The following GSG1L variants were observed in gnomAD, a reference collection of about 807,000 sequenced individuals.
GSG1L encodes GSG1 like.
Under a neutral mutation model 42.1 loss-of-function variants are expected in GSG1L, and 24 were observed. That is an observed-to-expected ratio of 0.57 (90% CI 0.41 to 0.80). The LOEUF is 0.80. Among genes scored for constraint, GSG1L ranks in the 30% least tolerant of loss-of-function variants. The pLI is 0.00. For missense variants in GSG1L, 445 were observed against 472.2 expected, an observed-to-expected ratio of 0.94 and a Z score of 0.53; for synonymous variants, 215 against 203.5, an observed-to-expected ratio of 1.06 and a Z score of -0.48.
intron 3 of GSG1L, among the ~76,000 whole-genome samples, chr16:27,846,628 A>G (rs1263370481): frequency 6.6e-6 from 1 of 152,124 alleles, no homozygotes; most frequent in Non-Finnish European, 1.5e-5. Flanking sequence ...CCTTGGTGGA[A>G]CTCTCTGATT....
At chr16:27,920,243 A>T (rs35754131) in intron 2 of GSG1L, among the ~76,000 whole-genome samples, 42,111 of 151,996 alleles carry the variant, frequency 0.28, 6,164 homozygotes, top group African/African-American at 0.33. Context: ...GGTGGTGAGG[A>T]ATCATGGTGT....
chr16:27,939,301 T>G (rs2084758868), intron 2 of GSG1L, among the ~76,000 whole-genome samples: 1 of 151,986 alleles, frequency 6.6e-6, no homozygotes, highest in South Asian at 2.1e-4. Context: ...TAAAATACAT[T>G]ATTTTGTGTA....
intron 2 of GSG1L, among the ~76,000 whole-genome samples, chr16:27,891,267 G>A (rs1022514364): frequency 7.9e-5 from 12 of 152,160 alleles, no homozygotes; most frequent in African/African-American, 2.2e-4. Flanking sequence ...GAACCAAAGA[G>A]TGAAAAAGTG....
chr16:28,020,869 G>A (rs1273991849), intron 1 of GSG1L, among the ~76,000 whole-genome samples: 1 of 152,166 alleles, frequency 6.6e-6, no homozygotes, highest in Non-Finnish European at 1.5e-5. Context: ...GGCCCCTTGG[G>A]AGGATTCTCC....
intron 6 of GSG1L, among the ~76,000 whole-genome samples, chr16:27,806,118 TC>T (rs2082959517): frequency 6.6e-6 from 1 of 152,110 alleles, no homozygotes; most frequent in Admixed American, 6.5e-5. Context: ...GGAGGAGTTC[TC>T]CAAACACATC....
At chr16:27,896,574 T>A (rs12448268) in intron 2 of GSG1L, among the ~76,000 whole-genome samples, 8,859 of 152,246 alleles carry the variant, frequency 0.058, 505 homozygotes, top group East Asian at 0.16. Context: ...TTAAATTAAA[T>A]TTTTTAAAAA....
At chr16:27,995,840 AAG>A (rs1252635734) in intron 1 of GSG1L, among the ~76,000 whole-genome samples, 1 of 151,572 alleles carries the variant, frequency 6.6e-6, no homozygotes, top group Admixed American at 6.6e-5. Flanking sequence ...AGGGCCATTG[AAG>A]AAGGACCTCT....
In GSG1L at chr16:28,023,201, T is replaced by C. The variant is rs567132150; in HGVS notation, c.349+39875A>G. On this transcript the variant is annotated intron_variant, in intron 1 of 6. Coordinates refer to ENST00000447459, the MANE Select transcript of GSG1L (RefSeq NM_001109763.2). ...AAAATATTGTTCTGTTTTTGTTTTATACTTATCATTCTATCTTTCTCTCTT... is the reference window on the plus strand; with the variant it reads ...AAAATATTGTTCTGTTTTTGTTTTACACTTATCATTCTATCTTTCTCTCTT... Among the ~76,000 whole-genome samples the C allele has an allele frequency of 3.3e-5, 5 of 152,330 alleles. No individual in the cohort carries two copies. The South Asian group carries it at 8.3e-4, about 25-fold the overall frequency.
At chr16:27,913,718 T>A (rs1448861094) in intron 2 of GSG1L, among the ~76,000 whole-genome samples, 1 of 152,234 alleles carries the variant, frequency 6.6e-6, no homozygotes, top group Admixed American at 6.5e-5. Context: ...CAATAGAGAC[T>A]GTGTGGTTCC....
At chr16:28,054,360 A>G (rs2086256237) in intron 1 of GSG1L, among the ~76,000 whole-genome samples, 1 of 152,164 alleles carries the variant, frequency 6.6e-6, no homozygotes, top group Non-Finnish European at 1.5e-5. Flanking sequence ...GTCCTCTTCC[A>G]TATCTCACCC....
At chr16:28,049,434 AC>A (rs1418794081) in intron 1 of GSG1L, among the ~76,000 whole-genome samples, 1 of 151,910 alleles carries the variant, frequency 6.6e-6, no homozygotes, top group African/African-American at 2.4e-5. Flanking sequence ...TAAGCCCAAC[AC>A]TTTGGGAGGC....
chr16:27,853,386 G>T (rs1049860878), intron 3 of GSG1L, among the ~76,000 whole-genome samples: 1 of 152,176 alleles, frequency 6.6e-6, no homozygotes, highest in African/African-American at 2.4e-5. Flanking sequence ...TCTCTTGGTA[G>T]CATATTTCAG....
chr16:27,949,761 T>C (rs915835378), intron 2 of GSG1L, among the ~76,000 whole-genome samples: 22 of 151,802 alleles, frequency 1.4e-4, no homozygotes, highest in African/African-American at 5.1e-4. Flanking sequence ...CCGTCTCTAC[T>C]AAAAATACAA....
chr16:27,917,829 G>A (rs1195956989), intron 2 of GSG1L, among the ~76,000 whole-genome samples: 1 of 152,144 alleles, frequency 6.6e-6, no homozygotes, highest in East Asian at 1.9e-4. Context: ...CAGCTAGACG[G>A]AGGACTCGGT....
At chr16:28,032,929 G>T (rs2085983440) in intron 1 of GSG1L, among the ~76,000 whole-genome samples, 1 of 152,108 alleles carries the variant, frequency 6.6e-6, no homozygotes, top group Non-Finnish European at 1.5e-5. Context: ...TTACTCCCCA[G>T]TCCTCAATCA....
intron 2 of GSG1L, among the ~76,000 whole-genome samples, chr16:27,946,669 A>AAAG (rs2084875473): frequency 6.9e-6 from 1 of 144,992 alleles, no homozygotes; most frequent in Admixed American, 6.8e-5. Flanking sequence ...AGAAAGAAAG[A>AAAG]AAGAAAGAAA....
In GSG1L at chr16:28,063,613, C is replaced by T. The variant is rs1467508701; in HGVS notation, c.-189G>A. ...CGGGGTGGGGGCGCGGCGCGGGGGGCGTGCGGGGCGGGCTGGCGGGGCGGG... is the reference window on the plus strand; with the variant it reads ...CGGGGTGGGGGCGCGGCGCGGGGGGTGTGCGGGGCGGGCTGGCGGGGCGGG... On this transcript the variant is annotated 5_prime_UTR_variant, in exon 1 of 7. Coordinates refer to ENST00000447459, the MANE Select transcript of GSG1L (RefSeq NM_001109763.2). The surrounding 1 kb of genome is among the most constrained non-coding windows in gnomAD (Gnocchi z 5.8). 6.5e-5 allele frequency: 10 copies of T among 153,124 alleles called. No homozygotes were observed. The highest frequency in any genetic ancestry group is 8.3e-5 in the Non-Finnish European group (6 of 72,724). The allele number at this position is 153,124 out of a possible 1,614,324, so 9.5% of individuals were successfully genotyped here.
intron 3 of GSG1L, among the ~76,000 whole-genome samples, chr16:27,853,809 C>G (rs1188120965): frequency 1.3e-5 from 2 of 152,168 alleles, no homozygotes; most frequent in Non-Finnish European, 2.9e-5. Context: ...TCTGATCCCC[C>G]AGGTGGGGTT....
intron 2 of GSG1L, chr16:27,888,225 C>T (rs2084052777): frequency 2.3e-5 from 13 of 558,908 alleles, no homozygotes; most frequent in Non-Finnish European, 2.3e-5. Flanking sequence ...CGGGCCAGGA[C>T]GCTTCCCCCG....
Sources: gnomAD v4.1 joint callset for allele counts (sites outside exome capture counted in the v4.1 genomes callset) on GRCh38, gnomAD v4.1.1 for gene constraint, Gnocchi (gnomAD v3.1) non-coding constraint, MANE v1.5 for transcripts, NCBI Gene and HGNC (gene_info 2026-07-23, HGNC 2026-07-21) for gene names.